The following MEI4 variants were observed in gnomAD, a reference collection of about 807,000 sequenced individuals.
The protein encoded by MEI4 is meiotic double-stranded break formation protein 4, also known as meiosis-specific protein MEI4.
A neutral mutation model predicts 31.4 loss-of-function variants in MEI4; 27 were observed. The observed-to-expected ratio is 0.86, with a 90% CI of 0.63 to 1.19. The LOEUF (loss-of-function observed/expected upper bound fraction) is 1.19. Among genes scored for constraint, MEI4 ranks in the 50% most tolerant of loss-of-function variants. The pLI, the probability that MEI4 is intolerant of heterozygous loss-of-function variation, is 0.00. For missense variants in MEI4, 329 were observed against 398.9 expected (o/e 0.82, Z 1.49); for synonymous variants, 122 against 145.4 (o/e 0.84, Z 1.16).
At chr6:77,815,280 T>G (rs949344882) in intron 3 of MEI4, among the ~76,000 whole-genome samples, 2 of 152,090 alleles carry the variant, frequency 1.3e-5, no homozygotes, top group Non-Finnish European at 2.9e-5. Flanking sequence ...TTAGGCAAAT[T>G]ATAACTAATA....
chr6:77,660,846 C>T (rs1464553119), intron 1 of MEI4, among the ~76,000 whole-genome samples: 5 of 152,054 alleles, frequency 3.3e-5, no homozygotes, highest in Non-Finnish European at 7.4e-5. Context: ...CTATAGATGA[C>T]TAAGTAGGGT....
chr6:77,807,052 C>G (rs1013875806), intron 3 of MEI4, among the ~76,000 whole-genome samples: 2 of 151,620 alleles, frequency 1.3e-5, no homozygotes, highest in Non-Finnish European at 2.9e-5. Flanking sequence ...ATGGTCTGAT[C>G]AGATTTATGA....
intron 2 of MEI4, among the ~76,000 whole-genome samples, chr6:77,744,399 CGACAAGAGAAGTTTAGAGAAAAA>C (rs1767519209): frequency 6.6e-6 from 1 of 151,736 alleles, no homozygotes; most frequent in South Asian, 2.1e-4. Flanking sequence ...TGAAATGAAG[CGACAAGAGAAGTTTAGAGAAAAA>C]AGAATAAAAA....
At chr6:77,807,882 A>T (rs1769478976) in intron 3 of MEI4, among the ~76,000 whole-genome samples, 1 of 152,200 alleles carries the variant, frequency 6.6e-6, no homozygotes, top group African/African-American at 2.4e-5. Flanking sequence ...TGCATAAGAT[A>T]TCTTTATGAG....
At chr6:77,864,858 G>C (rs139196204) in intron 4 of MEI4, among the ~76,000 whole-genome samples, 2 of 152,102 alleles carry the variant, frequency 1.3e-5, no homozygotes, top group African/African-American at 4.8e-5. Context: ...AAATGTAAAA[G>C]AATAGAAATT....
chr6:77,692,205 C>T (rs934050198), intron 2 of MEI4, among the ~76,000 whole-genome samples: 6 of 151,928 alleles, frequency 3.9e-5, no homozygotes, highest in Admixed American at 2.0e-4. Context: ...TTCCTTTGGT[C>T]TTATTTTAAG....
chr6:77,862,628 C>T (rs1770896128), intron 4 of MEI4, among the ~76,000 whole-genome samples: 1 of 152,192 alleles, frequency 6.6e-6, no homozygotes, highest in Admixed American at 6.5e-5. Context: ...CTGCCTGCCT[C>T]TGTAGACTCC....
chr6:77,678,554 A>ACAATGTTATAGCCCAGCATATTGCGTAC (rs58196034), intron 1 of MEI4, among the ~76,000 whole-genome samples: 1 of 151,934 alleles, frequency 6.6e-6, no homozygotes, highest in East Asian at 1.9e-4. Flanking sequence ...AGGAGCCATC[A>ACAATGTTATAGCCCAGCATATTGCGTAC]ATGTTTGTGG....
chr6:77,700,436 C>A (rs891191081), intron 2 of MEI4, among the ~76,000 whole-genome samples: 1 of 152,172 alleles, frequency 6.6e-6, no homozygotes, highest in Non-Finnish European at 1.5e-5. Context: ...TTTTTAAGCC[C>A]GTTGGAAAAG....
At chr6:77,770,984 C>G (rs987182465) in intron 3 of MEI4, among the ~76,000 whole-genome samples, 1 of 152,080 alleles carries the variant, frequency 6.6e-6, no homozygotes, top group Non-Finnish European at 1.5e-5. Context: ...AATAAACTAT[C>G]AACAGAGTAA....
intron 1 of MEI4, among the ~76,000 whole-genome samples, chr6:77,683,077 T>G (rs902946212): frequency 6.6e-6 from 1 of 152,150 alleles, no homozygotes; most frequent in Non-Finnish European, 1.5e-5. Flanking sequence ...ACACCTAAGC[T>G]GTTGTTGAAT....
Position 77,923,303 on chromosome 6 carries a change from G to T in MEI4, c.1115G>T (p.Gly372Val), listed in dbSNP as rs1053284700. 32 of 1,229,868 alleles carry T rather than the reference G, an allele frequency of 2.6e-5. No homozygotes were observed. Among genetic ancestry groups the T allele is most frequent in the Middle Eastern group, 3.1e-4 (1 of 3,214 alleles). The allele number at this position is 1,229,868 out of a possible 1,614,324, so 76.2% of individuals were successfully genotyped here. A position where few individuals can be genotyped will look rare whatever the true frequency, so the allele number is the denominator to read the frequency against. Reference sequence around the variant, plus strand: ...TTTACTTTTTATTTATGGAGAGTGGGCATTCTTTTGAGCTCAGCACAGATA... The same window carrying T: ...TTTACTTTTTATTTATGGAGAGTGGTCATTCTTTTGAGCTCAGCACAGATA... The part of the protein sequence containing the change: ...PLFTFYLWRV[G>V]ILLSSAQIET... The change falls in exon 5 of 5, where the codon GGC (glycine) becomes GTC (valine). Residue 372 changes from glycine (G) to valine (V), a missense_variant. Coordinates refer to ENST00000684080, the MANE Select transcript of MEI4 (RefSeq NM_001322247.2).
intron 4 of MEI4, among the ~76,000 whole-genome samples, chr6:77,873,737 G>A (rs534115131): frequency 6.6e-6 from 1 of 152,168 alleles, no homozygotes; most frequent in Non-Finnish European, 1.5e-5. Context: ...TATGGTTTTA[G>A]GTCTAACATG....
chr6:77,790,589 A>T lies in MEI4; in HGVS notation c.768+28924A>T, dbSNP rs143085274. 1.4e-3 allele frequency among the ~76,000 whole-genome samples: 213 copies of T among 152,206 alleles called. 1 individual carries two copies. Among genetic ancestry groups the T allele is most frequent in the African/African-American group, 4.5e-3 (187 of 41,548 alleles). On this transcript the variant is annotated intron_variant, in intron 3 of 4. Coordinates refer to ENST00000684080, the MANE Select transcript of MEI4 (RefSeq NM_001322247.2). Reference sequence around the variant, plus strand: ...GAAAAACTAAAAATTAACAAAATACATATTGAAAACTTCCCAAATCTTGGG... The same window carrying T: ...GAAAAACTAAAAATTAACAAAATACTTATTGAAAACTTCCCAAATCTTGGG...
chr6:77,699,482 G>A lies in MEI4; in HGVS notation c.232+8579G>A, dbSNP rs538502498. On this transcript the variant is annotated intron_variant, in intron 2 of 4. Transcript: ENST00000684080. ...GCTGGGATTACAGGCGTGAGCCACCGCGCCCGGCCCAAAGTTTCTATCTTC... is the reference window on the plus strand; with the variant it reads ...GCTGGGATTACAGGCGTGAGCCACCACGCCCGGCCCAAAGTTTCTATCTTC... Among the ~76,000 whole-genome samples the A allele has an allele frequency of 6.0e-3, 914 of 152,186 alleles. 12 individuals are homozygous for A. Among genetic ancestry groups the A allele is most frequent in the African/African-American group, 0.021 (872 of 41,540 alleles).
chr6:77,699,630 G>A (rs563075946), intron 2 of MEI4, among the ~76,000 whole-genome samples: 231 of 152,308 alleles, frequency 1.5e-3, no homozygotes, highest in African/African-American at 5.0e-3. Flanking sequence ...GAGGAGCTGT[G>A]TTCCTTTGGA....
At chr6:77,672,741 T>C (rs1768769486) in intron 1 of MEI4, among the ~76,000 whole-genome samples, 1 of 152,180 alleles carries the variant, frequency 6.6e-6, no homozygotes, top group South Asian at 2.1e-4. Context: ...GGTTTCACCT[T>C]GGTGGCCAGA....
intron 3 of MEI4, among the ~76,000 whole-genome samples, chr6:77,797,272 T>G (rs984802881): frequency 1.3e-5 from 2 of 152,170 alleles, no homozygotes; most frequent in African/African-American, 4.8e-5. Flanking sequence ...TCTTTGACAT[T>G]GGTCTTGGCA....
chr6:77,760,075 A>C lies in MEI4; in HGVS notation c.233-1055A>C, dbSNP rs147169018. 1.4e-3 allele frequency among the ~76,000 whole-genome samples: 213 copies of C among 152,282 alleles called. 1 individual carries two copies. The highest frequency in any genetic ancestry group is 4.5e-3 in the African/African-American group (187 of 41,586). Reference sequence around the variant, plus strand: ...GTTTATGATGGCATGTCTGTCAAAGAGTGACCGAGAGTAATTAGATTTAGC... The same window carrying C: ...GTTTATGATGGCATGTCTGTCAAAGCGTGACCGAGAGTAATTAGATTTAGC... On this transcript the variant is annotated intron_variant, in intron 2 of 4. Transcript: ENST00000684080.
Sources: gnomAD v4.1 joint callset for allele counts (sites outside exome capture counted in the v4.1 genomes callset) on GRCh38, gnomAD v4.1.1 for gene constraint, MANE v1.5 for transcripts, NCBI Gene and HGNC (gene_info 2026-07-23, HGNC 2026-07-21) for gene names.